RNLS: variants seen among roughly 807,000 people sequenced by gnomAD.
RNLS encodes renalase, FAD dependent amine oxidase.
In RNLS, 39 loss-of-function variants were observed where a neutral mutation model predicts 39.8. The ratio of observed to expected loss-of-function variants is 0.98; its 90% confidence interval spans 0.76 to 1.28. The LOEUF (loss-of-function observed/expected upper bound fraction) is 1.28, where lower values mean the gene tolerates loss of function less well. Ranked by LOEUF, RNLS falls within the 50% of genes most tolerant of loss-of-function variation. The pLI, the probability that RNLS is intolerant of heterozygous loss-of-function variation, is 0.00. For synonymous variants in RNLS, 147 were observed against 150.7 expected, an observed-to-expected ratio of 0.98 and a Z score of 0.18; for missense variants, 410 against 413.3, an observed-to-expected ratio of 0.99 and a Z score of 0.07.
chr10:88,315,850 C>T (rs1227784245), intron 5 of RNLS, among the ~76,000 whole-genome samples: 2 of 149,124 alleles, frequency 1.3e-5, no homozygotes, highest in Admixed American at 6.8e-5. Context: ...TAACATAGTA[C>T]ACATGAAATA....
the RNLS span, among the ~76,000 whole-genome samples, chr10:88,238,772 T>C: frequency 1.3e-5 from 2 of 152,156 alleles, no homozygotes; most frequent in Non-Finnish European, 2.9e-5. Context: ...AAGGAAGATA[T>C]TTGGAAATAT....
intron 4 of RNLS, among the ~76,000 whole-genome samples, chr10:88,561,250 A>C (rs1379686556): frequency 6.6e-6 from 1 of 152,152 alleles, no homozygotes; most frequent in Non-Finnish European, 1.5e-5. Context: ...TCTGGGAAAA[A>C]ATAAAGCTGT....
chr10:88,314,374 C>T (rs963060202), intron 6 of RNLS, 92 bp downstream of exon 6: 2 of 1,302,066 alleles, frequency 1.5e-6, no homozygotes, highest in Admixed American at 4.1e-5. Context: ...TAATTTATTT[C>T]ACTAGAGAGT....
chr10:88,261,314 G>GC, the RNLS span, among the ~76,000 whole-genome samples: 2 of 152,128 alleles, frequency 1.3e-5, no homozygotes, highest in African/African-American at 4.8e-5. Context: ...GACACCCTCT[G>GC]CCCCCCACCA....
Position 88,288,492 on chromosome 10 carries a change from T to C in RNLS, c.877-2986A>G, listed in dbSNP as rs1388643847. ...ATTCACACATATTCATATCTATACA[T>C]ATATGTGTGTGTCTATGTATAATTT... is the stretch of plus-strand genomic sequence containing the variant. On this transcript the variant is annotated intron_variant, in intron 6 of 6. Coordinates refer to ENST00000331772, the MANE Select transcript of RNLS (RefSeq NM_001031709.3). Among the ~76,000 whole-genome samples the C allele has an allele frequency of 3.9e-5, 6 of 152,180 alleles. No homozygotes were observed. In the East Asian group the frequency reaches 1.2e-3, roughly 29 times the overall value.
the RNLS span, among the ~76,000 whole-genome samples, chr10:88,255,784 C>G: frequency 3.3e-5 from 5 of 152,290 alleles, no homozygotes; most frequent in South Asian, 4.2e-4. Context: ...AGCCAATCAT[C>G]CAGGGATTTG....
At chr10:88,501,928 C>T (rs1007410097) in intron 4 of RNLS, among the ~76,000 whole-genome samples, 17 of 152,168 alleles carry the variant, frequency 1.1e-4, no homozygotes, top group African/African-American at 2.6e-4. Flanking sequence ...GGAAACAGCC[C>T]GATTCTGTTT....
the RNLS span, among the ~76,000 whole-genome samples, chr10:88,262,185 C>G: frequency 6.6e-5 from 10 of 152,140 alleles, no homozygotes; most frequent in East Asian, 1.7e-3. Context: ...ATGCCATAGA[C>G]AGGAATTTTT....
rs200689600 is a variant in RNLS at position 88,581,759 on chromosome 10, C to T, written c.225-50G>A. ...TAATGTAATTATATACCATGAATAGCTCTAAAAGACTATATTTTCTTTCAA... is the reference window on the plus strand; with the variant it reads ...TAATGTAATTATATACCATGAATAGTTCTAAAAGACTATATTTTCTTTCAA... On this transcript the variant is annotated intron_variant, in intron 2 of 6. Coordinates refer to ENST00000331772, the MANE Select transcript of RNLS (RefSeq NM_001031709.3). 16 of 1,175,244 alleles carry T rather than the reference C, an allele frequency of 1.4e-5. No homozygotes were observed. The African/African-American group carries it at 2.1e-4, about 15-fold the overall frequency. The allele number at this position is 1,175,244 out of a possible 1,614,324, so 72.8% of individuals were successfully genotyped here.
intron 4 of RNLS, among the ~76,000 whole-genome samples, chr10:88,562,526 G>T (rs1335704424): frequency 6.6e-6 from 1 of 152,118 alleles, no homozygotes; most frequent in Non-Finnish European, 1.5e-5. Flanking sequence ...TCTGGGGAAT[G>T]GAAAGGAGGG....
chr10:88,448,903 A>G (rs1225923949), intron 4 of RNLS, among the ~76,000 whole-genome samples: 1 of 152,254 alleles, frequency 6.6e-6, no homozygotes, highest in Non-Finnish European at 1.5e-5. Context: ...GGCAAAGACA[A>G]GAGCCAAACA....
At chr10:88,535,963 T>C (rs936300342) in intron 4 of RNLS, among the ~76,000 whole-genome samples, 1 of 152,116 alleles carries the variant, frequency 6.6e-6, no homozygotes, top group African/African-American at 2.4e-5. Flanking sequence ...GAAGATGAAA[T>C]ATCCTCCATC....
chr10:88,349,028 T>C (rs748797930), intron 5 of RNLS, among the ~76,000 whole-genome samples: 11 of 152,156 alleles, frequency 7.2e-5, no homozygotes, highest in Non-Finnish European at 1.3e-4. Context: ...CATGAAACTG[T>C]GTTTCATGAC....
chr10:88,274,744 T>G lies in RNLS; in HGVS notation c.*217A>C, dbSNP rs528074306. 2.2e-5 allele frequency: 9 copies of G among 409,292 alleles called. No individual in the cohort carries two copies. In the South Asian group the frequency reaches 2.4e-4, roughly 11 times the overall value. The allele number at this position is 409,292 out of a possible 1,614,324, so 25.4% of individuals were successfully genotyped here. On this transcript the variant is annotated 3_prime_UTR_variant, in exon 7 of 7. Coordinates refer to the RNLS transcript ENST00000371947. ...TGCAGATCATACAGCAATTCTATAT[T>G]TCATTTCTAAAGAAATTGCCGTATC...
intron 6 of RNLS, among the ~76,000 whole-genome samples, chr10:88,311,090 A>C (rs1845344387): frequency 6.6e-6 from 1 of 152,120 alleles, no homozygotes; most frequent in Admixed American, 6.5e-5. Flanking sequence ...GTGCTACATA[A>C]GGTAAGGAAA....
rs78525460 is a variant in RNLS at position 88,362,711 on chromosome 10, G to C, written c.541C>G (p.Gln181Glu). The C allele has an allele frequency of 6.2e-7, 1 of 1,613,046 alleles. No homozygotes were observed. Among genetic ancestry groups the C allele is most frequent in the South Asian group, 1.1e-5 (1 of 90,888 alleles). Reference protein sequence around the residue: ...GDITTLISECQRQQLEAVSYS... With the variant: ...GDITTLISECERQQLEAVSYS... ...CTCACAGCCTCCAGTTGCTGCCTTTGGCATTCACTAATTACTGTGGAAGAA... is the reference window on the plus strand; with the variant it reads ...CTCACAGCCTCCAGTTGCTGCCTTTCGCATTCACTAATTACTGTGGAAGAA... Residue 181 changes from glutamine (Q) to glutamate (E), a missense_variant, in exon 5 of 7, where the codon CAA (glutamine) becomes GAA (glutamate). By Grantham distance (29) the Gln-to-Glu change is conservative. Coordinates refer to ENST00000331772, the MANE Select transcript of RNLS (RefSeq NM_001031709.3).
intron 6 of RNLS, among the ~76,000 whole-genome samples, chr10:88,295,132 A>G: frequency 6.6e-6 from 1 of 152,180 alleles, no homozygotes; most frequent in Admixed American, 6.5e-5. Context: ...TATGAAATAT[A>G]TTTGTTATAT....
the RNLS span, among the ~76,000 whole-genome samples, chr10:88,220,122 G>C: frequency 6.6e-6 from 1 of 152,200 alleles, no homozygotes; most frequent in Non-Finnish European, 1.5e-5. Context: ...CTAATTAGCA[G>C]TTCCCGATTC....
intron 4 of RNLS, among the ~76,000 whole-genome samples, chr10:88,474,363 T>C (rs1365607728): frequency 6.6e-6 from 1 of 152,154 alleles, no homozygotes; most frequent in Non-Finnish European, 1.5e-5. Flanking sequence ...GGAGAATTCT[T>C]TGTTGCGTGA....
Sources: allele counts gnomAD v4.1 joint callset (sites outside exome capture counted in the v4.1 genomes callset), GRCh38; gene constraint gnomAD v4.1.1; transcripts MANE v1.5; gene names NCBI Gene and HGNC (gene_info 2026-07-23, HGNC 2026-07-21).